KRT81: variants seen among roughly 807,000 people sequenced by gnomAD.
KRT81 encodes keratin, type II cuticular Hb1.
A neutral mutation model predicts 35.8 loss-of-function variants in KRT81; 35 were observed. The observed-to-expected ratio is 0.98, with a 90% CI of 0.75 to 1.30. The LOEUF (loss-of-function observed/expected upper bound fraction) is 1.30. Ranked by LOEUF, KRT81 falls within the 50% of genes most tolerant of loss-of-function variation. KRT81 has a pLI of 0.00. For missense variants in KRT81, 531 were observed against 577.4 expected (o/e 0.92, Z 0.82); for synonymous variants, 249 against 251.2 (o/e 0.99, Z 0.08).
In KRT81 at chr12:52,288,395, T is replaced by G. The variant is rs764253768; in HGVS notation, c.701A>C (p.Gln234Pro). ...CAGCCGCCTCAGGAAGTCGATCTCC[T>G]GGATCAGGGCCTCCACGTTGGCCTC... ...DLEANVEALIQEIDFLRRLYE... is the reference protein window; with the variant it reads ...DLEANVEALIPEIDFLRRLYE... Residue 234 changes from glutamine to proline, a missense_variant, in exon 4 of 9, where the codon CAG becomes CCG. Coordinates refer to ENST00000327741, the MANE Select transcript of KRT81 (RefSeq NM_002281.4). 1 of 1,614,144 alleles carries G rather than the reference T, an allele frequency of 6.2e-7. No individual in the cohort carries two copies. Among genetic ancestry groups the G allele is most frequent in the African/African-American group, 1.3e-5 (1 of 75,032 alleles).
At chr12:52,288,489 C>A in intron 3 of KRT81, 33 bp from the exon 4 acceptor site, 1 of 1,611,988 alleles carries the variant, frequency 6.2e-7, no homozygotes. Flanking sequence ...AGCTCAAGGA[C>A]CCTGGTGATC....
At position 52,288,391 on chromosome 12, in the gene KRT81, C is replaced by A; in HGVS notation, c.705G>T (p.Glu235Asp). The A allele has an allele frequency of 3.1e-6, 5 of 1,614,178 alleles. No homozygotes were observed. The highest frequency in any genetic ancestry group is 4.2e-6 in the Non-Finnish European group (5 of 1,180,006). The change falls in exon 4 of 9, where the codon GAG becomes GAT. Residue 235 changes from glutamate to aspartate, a missense_variant. Physicochemically the swap from Glu to Asp is conservative, Grantham distance 45. Transcript: ENST00000327741. ...CATACAGCCGCCTCAGGAAGTCGAT[C>A]TCCTGGATCAGGGCCTCCACGTTGG... Reference protein sequence around the residue: ...LEANVEALIQEIDFLRRLYEE... With the variant: ...LEANVEALIQDIDFLRRLYEE...
Position 52,288,010 on chromosome 12 carries a change from C to T in KRT81, c.874G>A (p.Glu292Lys), listed in dbSNP as rs200578000. Residue 292 changes from glutamate to lysine, a missense_variant, in exon 5 of 9, where the codon GAG (glutamate) becomes AAG (lysine). Physicochemically the swap from Glu to Lys is moderately conservative, Grantham distance 56 (BLOSUM62 1). Transcript: ENST00000327741. ...YDDIVTRSRA[E>K]AESWYRSKCE... is the part of the protein sequence containing the mutation. ...TTGCTGCGGTACCAGGACTCGGCCTCGGCCCGGCTGCGGGTGACAATGTCG... is the reference window on the plus strand; with the variant it reads ...TTGCTGCGGTACCAGGACTCGGCCTTGGCCCGGCTGCGGGTGACAATGTCG... 6.2e-5 allele frequency: 100 copies of T among 1,614,100 alleles called. No individual in the cohort carries two copies. The highest frequency in any genetic ancestry group is 3.1e-4 in the East Asian group (14 of 44,900).
Position 52,291,438 on chromosome 12 carries a change from G to C in KRT81, c.28C>G (p.Arg10Gly). 1 of 1,612,638 alleles carries C rather than the reference G, an allele frequency of 6.2e-7. No individual in the cohort carries two copies. Among genetic ancestry groups the C allele is most frequent in the East Asian group, 2.2e-5 (1 of 44,828 alleles). ...CAGGCCGAGATGCAGCTGAAGGCGC[G>C]CCCACCAAATCCTGATCCGCAGGTC... Reference protein sequence around the residue: MTCGSGFGGRAFSCISACGP... With the variant: MTCGSGFGGGAFSCISACGP... Residue 10 changes from arginine to glycine, a missense_variant, in exon 1 of 9, where the codon CGC (arginine) becomes GGC (glycine). Arg to Gly is a moderately radical substitution (Grantham distance 125, BLOSUM62 -2). Around this residue, in one of 5 missense-constraint regions of KRT81, gnomAD observed 133 missense variants for 125.9 expected, o/e 1.06. Coordinates refer to ENST00000327741, the MANE Select transcript of KRT81 (RefSeq NM_002281.4).
chr12:52,288,028 C>A lies in KRT81; in HGVS notation c.856G>T (p.Val286Phe), dbSNP rs1938014028. The A allele has an allele frequency of 6.2e-7, 1 of 1,614,128 alleles. No homozygotes were observed. The highest frequency in any genetic ancestry group is 1.3e-5 in the African/African-American group (1 of 74,936). ...TCGGCCTCGGCCCGGCTGCGGGTGA[C>A]AATGTCGTCATACTGTGCCTTAATC... Reference protein sequence around the residue: ...AEIKAQYDDIVTRSRAEAESW... With the variant: ...AEIKAQYDDIFTRSRAEAESW... The change falls in exon 5 of 9, where the codon GTC (valine) becomes TTC (phenylalanine). Residue 286 changes from valine to phenylalanine, a missense_variant. By Grantham distance (50) the Val-to-Phe change is conservative. Around this residue, in one of 5 missense-constraint regions of KRT81, gnomAD observed 194 missense variants for 198.2 expected, o/e 0.98. Transcript: ENST00000327741.
At chr12:52,288,844 G>C (rs1489788530) in intron 3 of KRT81, among the ~76,000 whole-genome samples, 6 of 151,864 alleles carry the variant, frequency 4.0e-5, no homozygotes, top group Non-Finnish European at 7.4e-5. Flanking sequence ...CCCTGGGATT[G>C]TGTCTCTGCC....
rs373705395 is a variant in KRT81 at position 52,286,360 on chromosome 12, G to C, written c.1413C>G (p.Cys471Trp). 6.4e-7 allele frequency: 1 copy of C among 1,555,168 alleles called. No homozygotes were observed. Among genetic ancestry groups the C allele is most frequent in the Non-Finnish European group, 8.7e-7 (1 of 1,149,032 alleles). ...CTCCGCAGGTGGTGTTCAATTGGCC[G>C]CAGGGCGCACACAGGCCGGTGCTCA... is the stretch of plus-strand genomic sequence containing the variant. ...VAVSTGLCAP[C>W]GQLNTTCGGG... Residue 471 changes from cysteine to tryptophan, a missense_variant, in exon 9 of 9, where the codon TGC becomes TGG. This residue lies in a region of KRT81 where 150 missense variants were observed against 145.4 expected (regional missense o/e 1.03). Transcript: ENST00000327741.
rs752714132 is a variant in KRT81 at position 52,286,303 on chromosome 12, G to A, written c.1470C>T (p.Ile490=). 3 of 1,554,680 alleles carry A rather than the reference G, an allele frequency of 1.9e-6. No individual in the cohort carries two copies. The highest frequency in any genetic ancestry group is 2.6e-6 in the Non-Finnish European group (3 of 1,148,630). ...GGSCGVGSCG[I]SSLGVGSCGS... is the part of the protein sequence containing the mutation. Reference sequence around the variant, plus strand: ...CGCAAGACCCCACACCCAGGGAGCTGATACCACAGGAGCCCACGCCGCAGG... The same window carrying A: ...CGCAAGACCCCACACCCAGGGAGCTAATACCACAGGAGCCCACGCCGCAGG... Residue 490 remains isoleucine (I), a synonymous_variant, in exon 9 of 9, where the codon ATC becomes ATT. Transcript: ENST00000327741.
Position 52,287,643 on chromosome 12 carries a change from G to A in KRT81, c.979C>T (p.Arg327Cys), listed in dbSNP as rs760791254. The stretch of plus-strand genomic sequence containing the variant: ...TCGGCCGTCAGCCTTTGGATCATGC[G>A]GTTCAGCTCATTGATCTCCTCCTTG... ...RTKEEINELN[R>C]MIQRLTAEVE... The change falls in exon 6 of 9, where the codon CGC becomes TGC. Residue 327 changes from arginine to cysteine, a missense_variant. Arg to Cys is a radical substitution (Grantham distance 180). Around this residue, in one of 5 missense-constraint regions of KRT81, gnomAD observed 194 missense variants for 198.2 expected, o/e 0.98. Transcript: ENST00000327741. The A allele has an allele frequency of 8.1e-6, 13 of 1,613,720 alleles. No homozygotes were observed. Among genetic ancestry groups the A allele is most frequent in the Middle Eastern group, 1.6e-4 (1 of 6,076 alleles).
chr12:52,287,009 C>T, intron 7 of KRT81, 93 bp downstream of exon 7: 1 of 1,606,462 alleles, frequency 6.2e-7, no homozygotes, highest in South Asian at 1.1e-5. Flanking sequence ...TTTTTTTCCC[C>T]CAGAGCCCTG....
rs760119159 is a variant in KRT81, at chr12:52,291,296, C to G, written c.170G>C (p.Gly57Ala). Residue 57 changes from glycine (G) to alanine (A), a missense_variant, in exon 1 of 9, where the codon GGC (glycine) becomes GCC (alanine). Around this residue, in one of 5 missense-constraint regions of KRT81, gnomAD observed 133 missense variants for 125.9 expected, o/e 1.06. Transcript: ENST00000327741. Reference protein sequence around the residue: ...SHSVCGGFRAGSCGRSFGYRS... With the variant: ...SHSVCGGFRAASCGRSFGYRS... ...GTAGCCGAAGCTGCGTCCGCAGGAG[C>G]CGGCCCGAAAGCCTCCGCACACGCT... The G allele has an allele frequency of 1.4e-4, 210 of 1,540,610 alleles. No individual in the cohort carries two copies. Among genetic ancestry groups the G allele is most frequent in the Admixed American group, 1.1e-3 (56 of 50,434 alleles).
At chr12:52,288,609 G>C (rs1249811652) in intron 3 of KRT81, among the ~76,000 whole-genome samples, 153 bp from the exon 4 acceptor site, 3 of 152,054 alleles carry the variant, frequency 2.0e-5, no homozygotes, top group Non-Finnish European at 4.4e-5. Context: ...CCTGGGATGA[G>C]CTGGCATCCT....
Position 52,286,127 on chromosome 12 carries a change from A to G in KRT81, c.*128T>C, listed in dbSNP as rs1937919839. ...GGATCACACAGAGAAATGTGAGGCC[A>G]GGAGTGGGAGGGGTCTTTCAAAGTG... On this transcript the variant is annotated 3_prime_UTR_variant, in exon 9 of 9. Transcript: ENST00000327741. 2.5e-6 allele frequency: 2 copies of G among 794,404 alleles called. No homozygotes were observed. The highest frequency in any genetic ancestry group is 4.2e-5 in the Admixed American group (2 of 48,134). The allele number at this position is 794,404 out of a possible 1,614,324, so 49.2% of individuals were successfully genotyped here. A position where few individuals can be genotyped will look rare whatever the true frequency, so the allele number is the denominator to read the frequency against.
Position 52,287,588 on chromosome 12 carries a change from C to G in KRT81, c.1026+8G>C, listed in dbSNP as rs1730071919. On this transcript the variant is annotated splice_region_variant and intron_variant, in intron 6 of 8. Coordinates refer to ENST00000327741, the MANE Select transcript of KRT81 (RefSeq NM_002281.4). The stretch of plus-strand genomic sequence containing the variant: ...GTCTCTCTGACCTTGCGCACAGATG[C>G]CCCATACCTGGCACTTGGCATTCTC... 1.2e-6 allele frequency: 2 copies of G among 1,613,898 alleles called. No homozygotes were observed. Among genetic ancestry groups the G allele is most frequent in the Middle Eastern group, 1.7e-4 (1 of 6,056 alleles).
rs1486959649 is a variant in KRT81 at position 52,291,494 on chromosome 12, G to A, written c.-29C>T. The A allele has an allele frequency of 1.2e-6, 2 of 1,611,430 alleles. No homozygotes were observed. The highest frequency in any genetic ancestry group is 2.2e-5 in the East Asian group (1 of 44,802). ...CCTCCTGGACGTTTGGGTTGCAGAG[G>A]ACAGGATAGGGGACCTGGAGTCCTG... On this transcript the variant is annotated 5_prime_UTR_variant, in exon 1 of 9. Coordinates refer to ENST00000327741, the MANE Select transcript of KRT81 (RefSeq NM_002281.4).
rs911043568 is a variant in KRT81 at position 52,288,360 on chromosome 12, C to T, written c.735+1G>A. 10 of 1,613,970 alleles carry T rather than the reference C, an allele frequency of 6.2e-6. No individual in the cohort carries two copies. The Admixed American group carries it at 8.3e-5, about 13-fold the overall frequency. ...TTTCTGTCTGGCCCCTGAGCCCGCA[C>T]CTCCTCATACAGCCGCCTCAGGAAG... On this transcript the variant is annotated splice_donor_variant, in intron 4 of 8. Transcript: ENST00000327741. LOFTEE classifies it high-confidence loss of function.
chr12:52,286,778 C>T lies in KRT81; in HGVS notation c.1279+13G>A, dbSNP rs1433503517. 12 of 1,613,492 alleles carry T rather than the reference C, an allele frequency of 7.4e-6. No individual in the cohort carries two copies. The highest frequency in any genetic ancestry group is 2.2e-5 in the South Asian group (2 of 91,018). On this transcript the variant is annotated intron_variant, in intron 8 of 8. Coordinates refer to ENST00000327741, the MANE Select transcript of KRT81 (RefSeq NM_002281.4). ...GTTAGTAAATCTGTCCACACTGGACCCCAAATACTCACAGACATTCACAGC... is the reference window on the plus strand; with the variant it reads ...GTTAGTAAATCTGTCCACACTGGACTCCAAATACTCACAGACATTCACAGC...
In KRT81 at chr12:52,287,341, A is replaced by G. The variant is rs757456984; in HGVS notation, c.1027-19T>C. ...TGGAGTTCTGAAGAGAACAGAAAGA[A>G]CAAGGTAGATTAGAGTCCCTGGGTC... On this transcript the variant is annotated intron_variant, in intron 6 of 8. Transcript: ENST00000327741. 7 of 1,613,892 alleles carry G rather than the reference A, an allele frequency of 4.3e-6. No homozygotes were observed. Among genetic ancestry groups the G allele is most frequent in the Non-Finnish European group, 5.1e-6 (6 of 1,179,950 alleles).
At chr12:52,288,593 G>T in intron 3 of KRT81, 137 bp from the exon 4 acceptor site, 1 of 1,082,306 alleles carries the variant, frequency 9.2e-7, no homozygotes, top group South Asian at 1.3e-5. Context: ...CTCCCCTTCT[G>T]CCCTTCCTGG....
Sources: allele counts gnomAD v4.1 joint callset (sites outside exome capture counted in the v4.1 genomes callset), GRCh38; gene constraint gnomAD v4.1.1; regional missense constraint gnomAD v4.1.1; transcripts MANE v1.5; gene names NCBI Gene and HGNC (gene_info 2026-07-23, HGNC 2026-07-21).